Variants in FAM184B observed in about 807,000 individuals in gnomAD.
FAM184B encodes the protein protein FAM184B.
In FAM184B, 111 loss-of-function variants were observed where a neutral mutation model predicts 135.9. That is an observed-to-expected ratio of 0.82 (90% CI 0.70 to 0.96). The LOEUF (loss-of-function observed/expected upper bound fraction) is 0.96, where lower values mean the gene tolerates loss of function less well. Ranked by LOEUF, FAM184B falls within the 40% of genes least tolerant of loss-of-function variation. The pLI, the probability that FAM184B is intolerant of heterozygous loss-of-function variation, is 0.00. For synonymous variants in FAM184B, 552 were observed against 524.8 expected (o/e 1.05, Z -0.71); for missense variants, 1,375 against 1,323.9 (o/e 1.04, Z -0.60).
rs114949031 is a variant in FAM184B, at chr4:17,777,687, A to T, written c.141+3472T>A. Among the ~76,000 whole-genome samples, 352 of 152,302 alleles carry T rather than the reference A, an allele frequency of 2.3e-3. 3 individuals are homozygous for T. The highest frequency in any genetic ancestry group is 8.0e-3 in the African/African-American group (334 of 41,576). On this transcript the variant is annotated intron_variant, in intron 1 of 17. Coordinates refer to ENST00000265018, the MANE Select transcript of FAM184B (RefSeq NM_015688.2). ...CAACACAAAGACAAAATCTTTTTTT[A>T]AAAAAATAACATCTCAGGATATAGA...
chr4:17,734,287 T>C (rs921233480), intron 1 of FAM184B, among the ~76,000 whole-genome samples: 3 of 152,140 alleles, frequency 2.0e-5, no homozygotes, highest in African/African-American at 7.2e-5. Context: ...ACTTCATGTC[T>C]AAAACACCAA....
intron 11 of FAM184B, among the ~76,000 whole-genome samples, chr4:17,650,077 T>C (rs200124837): frequency 3.4e-5 from 3 of 87,938 alleles, no homozygotes; most frequent in East Asian, 8.7e-4. Flanking sequence ...TTTGTCTGTC[T>C]GTCCATCCAT....
chr4:17,645,702 G>A (rs1289621977), intron 12 of FAM184B, among the ~76,000 whole-genome samples: 2 of 152,152 alleles, frequency 1.3e-5, no homozygotes, highest in East Asian at 1.9e-4. Context: ...AAAAGCAATG[G>A]CAACAAAAGC....
At chr4:17,660,603 G>A (rs1715894637) in intron 8 of FAM184B, among the ~76,000 whole-genome samples, 1 of 151,972 alleles carries the variant, frequency 6.6e-6, no homozygotes. Context: ...CTCCACATAT[G>A]CAACATGAAC....
chr4:17,764,793 G>A (rs142423685), intron 1 of FAM184B, among the ~76,000 whole-genome samples: 5 of 152,312 alleles, frequency 3.3e-5, no homozygotes, highest in East Asian at 1.9e-4. Flanking sequence ...GGCCAGGCGC[G>A]GTGGCTCACG....
intron 1 of FAM184B, among the ~76,000 whole-genome samples, chr4:17,774,718 T>C (rs540178218): frequency 6.6e-6 from 1 of 152,368 alleles, no homozygotes; most frequent in East Asian, 1.9e-4. Context: ...GCCTGGGCCC[T>C]GTATGCTGTT....
At chr4:17,636,766 G>T in intron 14 of FAM184B, 121 bp from the exon 15 acceptor site, 3 of 814,078 alleles carry the variant, frequency 3.7e-6, no homozygotes, top group Non-Finnish European at 5.6e-6. Flanking sequence ...GGCCCAGATA[G>T]CAGCAGCGGC....
chr4:17,656,484 C>A (rs1715781415), intron 10 of FAM184B, among the ~76,000 whole-genome samples: 1 of 152,116 alleles, frequency 6.6e-6, no homozygotes, highest in Non-Finnish European at 1.5e-5. Context: ...TCACAGCAAC[C>A]TCTGCCTCCC....
chr4:17,682,293 T>A (rs6449323), intron 7 of FAM184B, among the ~76,000 whole-genome samples: 57,293 of 151,936 alleles, frequency 0.38, 11,459 homozygotes, highest in African/African-American at 0.45. Flanking sequence ...AAACTTTGAA[T>A]CTACGAGAAT....
intron 1 of FAM184B, among the ~76,000 whole-genome samples, chr4:17,728,771 G>A (rs924283752): frequency 5.9e-5 from 9 of 152,200 alleles, no homozygotes; most frequent in Non-Finnish European, 1.2e-4. Flanking sequence ...ATTTCTGAGA[G>A]CCAAGATGGC....
At chr4:17,675,067 G>A (rs1377314217) in intron 7 of FAM184B, among the ~76,000 whole-genome samples, 1 of 152,200 alleles carries the variant, frequency 6.6e-6, no homozygotes, top group Admixed American at 6.5e-5. Context: ...TTTCCAGAAG[G>A]TTTTCAATGG....
In FAM184B at chr4:17,781,043, C is replaced by A; in HGVS notation, c.141+116G>T. 4 of 1,340,574 alleles carry A rather than the reference C, an allele frequency of 3.0e-6. No individual in the cohort carries two copies. In the South Asian group the frequency reaches 6.4e-5, roughly 21 times the overall value. The allele number at this position is 1,340,574 out of a possible 1,614,324, so 83.0% of individuals were successfully genotyped here. ...ACCGCTTCCCTTCCCGGTTGGCCTCCGAGACAAAGTTTCTGTCTGGATTTG... is the reference window on the plus strand; with the variant it reads ...ACCGCTTCCCTTCCCGGTTGGCCTCAGAGACAAAGTTTCTGTCTGGATTTG... On this transcript the variant is annotated intron_variant, in intron 1 of 17. Coordinates refer to ENST00000265018, the MANE Select transcript of FAM184B (RefSeq NM_015688.2). The surrounding 1 kb of genome is among the most constrained non-coding windows in gnomAD (Gnocchi z 6.5).
chr4:17,773,806 A>G (rs2108998692), intron 1 of FAM184B, among the ~76,000 whole-genome samples: 1 of 152,182 alleles, frequency 6.6e-6, no homozygotes, highest in African/African-American at 2.4e-5. Flanking sequence ...TGAACTCCCG[A>G]CCTCAGGTGA....
intron 1 of FAM184B, among the ~76,000 whole-genome samples, chr4:17,759,806 A>G (rs1718502821): frequency 2.6e-5 from 4 of 152,270 alleles, no homozygotes; most frequent in Middle Eastern, 3.4e-3. Flanking sequence ...TAAGCACCTA[A>G]GTTCTTAAAG....
chr4:17,668,137 C>T (rs1487928355), intron 7 of FAM184B, among the ~76,000 whole-genome samples: 3 of 152,360 alleles, frequency 2.0e-5, no homozygotes, highest in Admixed American at 6.5e-5. Flanking sequence ...TGACACAGTT[C>T]AAGCCCAGCC....
intron 9 of FAM184B, 28 bp from the exon 10 acceptor site, chr4:17,658,590 C>T (rs1251315430): frequency 6.5e-7 from 1 of 1,541,062 alleles, no homozygotes; most frequent in Non-Finnish European, 8.8e-7. Context: ...TGCCCTCAGT[C>T]TAAGCCCCTT....
intron 1 of FAM184B, among the ~76,000 whole-genome samples, chr4:17,742,170 T>TA (rs1560190745): frequency 2.5e-5 from 3 of 121,484 alleles, no homozygotes; most frequent in African/African-American, 1.2e-4. Context: ...ATATATATAT[T>TA]TTTTTTTTTT....
chr4:17,649,122 A>G (rs1715540432), intron 11 of FAM184B, among the ~76,000 whole-genome samples: 1 of 152,232 alleles, frequency 6.6e-6, no homozygotes, highest in African/African-American at 2.4e-5. Flanking sequence ...AGTACAGAGC[A>G]AGTGCTCAAC....
At chr4:17,657,567 G>A (rs1715803860) in intron 10 of FAM184B, among the ~76,000 whole-genome samples, 3 of 151,978 alleles carry the variant, frequency 2.0e-5, no homozygotes, top group Admixed American at 2.0e-4. Flanking sequence ...GATGAAACAT[G>A]CCTGAACCAC....
Sources: gnomAD v4.1 joint callset for allele counts (sites outside exome capture counted in the v4.1 genomes callset) on GRCh38, gnomAD v4.1.1 for gene constraint, Gnocchi (gnomAD v3.1) non-coding constraint, MANE v1.5 for transcripts, NCBI Gene and HGNC (gene_info 2026-07-23, HGNC 2026-07-21) for gene names.